The following SYNPR variants were observed in gnomAD, a reference collection of about 807,000 sequenced individuals.
The protein encoded by SYNPR is synaptoporin.
A neutral mutation model predicts 32.9 loss-of-function variants in SYNPR; 23 were observed. The ratio of observed to expected loss-of-function variants is 0.70; its 90% CI spans 0.50 to 0.99. The LOEUF (loss-of-function observed/expected upper bound fraction) is 0.99, where lower values mean the gene tolerates loss of function less well. Among genes scored for constraint, SYNPR ranks in the 50% least tolerant of loss-of-function variants. The pLI is 0.00. For synonymous variants in SYNPR, 146 were observed against 135.9 expected, an observed-to-expected ratio of 1.07 and a Z score of -0.52; for missense variants, 318 against 349.3, an observed-to-expected ratio of 0.91 and a Z score of 0.71.
intron 1 of SYNPR, among the ~76,000 whole-genome samples, chr3:63,229,213 T>C (rs2086150548): frequency 6.6e-6 from 1 of 152,150 alleles, no homozygotes; most frequent in African/African-American, 2.4e-5. Context: ...CATACTTAAT[T>C]TTTGGAAAGA....
In SYNPR at chr3:63,314,054, TATATATATATATCC is replaced by T. The variant is rs2087013841; in HGVS notation, c.84+35325_84+35338del. On this transcript the variant is annotated intron_variant, in intron 2 of 5. Coordinates refer to ENST00000478300, the MANE Select transcript of SYNPR (RefSeq NM_001130003.2). Reference sequence around the variant, plus strand: ...ATATATCCATATATATATATATCCATATATATATATATCCATATATATATATATCCATATATATA... The same window carrying T: ...ATATATCCATATATATATATATCCATATATATATATATATCCATATATATA... Among the ~76,000 whole-genome samples, 6 of 68,992 alleles carry T rather than the reference TATATATATATATCC, an allele frequency of 8.7e-5. 3 individuals carry two copies. The highest frequency in any genetic ancestry group is 3.6e-4 in the Admixed American group (2 of 5,620). 45.3% of individuals were successfully genotyped at this position (68,992 alleles called of 152,430 possible).
intron 2 of SYNPR, among the ~76,000 whole-genome samples, chr3:63,451,277 G>A (rs1177015190): frequency 1.3e-5 from 2 of 152,076 alleles, no homozygotes; most frequent in African/African-American, 2.4e-5. Context: ...CCATGCCCTC[G>A]ATGAGTGCTT....
chr3:63,480,152 G>T (rs537350430), intron 2 of SYNPR, among the ~76,000 whole-genome samples: 126 of 152,120 alleles, frequency 8.3e-4, no homozygotes, highest in Non-Finnish European at 1.4e-3. Flanking sequence ...TTGGTGCCTG[G>T]TTCCCCACAG....
chr3:63,546,965 A>G lies in SYNPR; in HGVS notation c.210-9578A>G, dbSNP rs114464765. On this transcript the variant is annotated intron_variant, in intron 3 of 5. Transcript: ENST00000478300. ...AGGAAAATGATTCTGGCTGCCTGGA[A>G]AATGCCATTTATCCGAAGATATGGA... 7.5e-3 allele frequency among the ~76,000 whole-genome samples: 1,149 copies of G among 152,228 alleles called. 20 individuals carry two copies. The highest frequency in any genetic ancestry group is 0.027 in the African/African-American group (1,106 of 41,544).
intron 2 of SYNPR, among the ~76,000 whole-genome samples, chr3:63,373,038 C>T (rs972562853): frequency 6.6e-6 from 1 of 151,986 alleles, no homozygotes; most frequent in Non-Finnish European, 1.5e-5. Context: ...CCTGCAAAAA[C>T]CCCCAGCCCT....
chr3:63,223,804 G>A (rs185563169), upstream of SYNPR, among the ~76,000 whole-genome samples: 4 of 151,968 alleles, frequency 2.6e-5, no homozygotes, highest in Admixed American at 2.0e-4. Flanking sequence ...ACTTTCTATT[G>A]TGGTGTTTTG....
At chr3:63,547,163 A>C (rs1702421917) in intron 3 of SYNPR, among the ~76,000 whole-genome samples, 1 of 152,158 alleles carries the variant, frequency 6.6e-6, no homozygotes, top group African/African-American at 2.4e-5. Flanking sequence ...AATTCTAGTA[A>C]TGACCCTTTT....
rs368136244 is a variant in SYNPR at position 63,589,619 on chromosome 3, G to C, written c.409-19506G>C. 1.6e-4 allele frequency among the ~76,000 whole-genome samples: 24 copies of C among 150,930 alleles called. No homozygotes were observed. In the East Asian group the frequency reaches 3.0e-3, roughly 19 times the overall value. On this transcript the variant is annotated intron_variant, in intron 4 of 5. Coordinates refer to ENST00000478300, the MANE Select transcript of SYNPR (RefSeq NM_001130003.2). Reference sequence around the variant, plus strand: ...AAGCTTATCCACCATGATCAAGTGGGCTTCATCCCTGGGATGCAAGGCTGG... The same window carrying C: ...AAGCTTATCCACCATGATCAAGTGGCCTTCATCCCTGGGATGCAAGGCTGG...
chr3:63,238,199 C>T (rs9878015), intron 1 of SYNPR, among the ~76,000 whole-genome samples: 2 of 152,004 alleles, frequency 1.3e-5, no homozygotes, highest in African/African-American at 4.8e-5. Flanking sequence ...TCAGCATTCA[C>T]CTTTGGTTGT....
At chr3:63,262,944 A>G (rs2086451915) in intron 2 of SYNPR, among the ~76,000 whole-genome samples, 1 of 152,184 alleles carries the variant, frequency 6.6e-6, no homozygotes, top group Admixed American at 6.5e-5. Context: ...TTGCATACTA[A>G]TAAAATTGGA....
chr3:63,204,312 T>C, the SYNPR span, among the ~76,000 whole-genome samples: 1 of 152,190 alleles, frequency 6.6e-6, no homozygotes, highest in Non-Finnish European at 1.5e-5. Flanking sequence ...TCTTCCAGCA[T>C]CCCCAGGCAT....
At chr3:63,359,305 T>C (rs1425548513) in intron 2 of SYNPR, among the ~76,000 whole-genome samples, 3 of 152,112 alleles carry the variant, frequency 2.0e-5, no homozygotes, top group Non-Finnish European at 2.9e-5. Context: ...ATGAGAGAAT[T>C]TGAATGTGAA....
At chr3:63,279,796 C>A (rs1201055566) in intron 2 of SYNPR, among the ~76,000 whole-genome samples, 3 of 152,172 alleles carry the variant, frequency 2.0e-5, no homozygotes, top group Non-Finnish European at 2.9e-5. Flanking sequence ...ATTGTTTACA[C>A]GGATGATCTA....
intron 2 of SYNPR, among the ~76,000 whole-genome samples, chr3:63,408,210 A>AAG (rs1560220924): frequency 3.2e-4 from 25 of 77,802 alleles, no homozygotes; most frequent in Non-Finnish European, 4.6e-4. Context: ...GGAAGGAAGG[A>AAG]AGGAAGGAAG....
At chr3:63,440,313 C>T (rs915059832) in intron 2 of SYNPR, among the ~76,000 whole-genome samples, 2 of 152,100 alleles carry the variant, frequency 1.3e-5, no homozygotes, top group Non-Finnish European at 2.9e-5. Context: ...TTAAATAAAA[C>T]AAAAAGATAG....
At chr3:63,514,387 T>C (rs1372172373) in intron 3 of SYNPR, among the ~76,000 whole-genome samples, 2 of 152,206 alleles carry the variant, frequency 1.3e-5, no homozygotes, top group Non-Finnish European at 1.5e-5. Context: ...TGGAACATCA[T>C]GGAAAATGGA....
rs1338736782 is a variant in SYNPR at position 63,278,323 on chromosome 3, G to T, written c.-211G>T. The stretch of plus-strand genomic sequence containing the variant: ...TTCCCTGCCCACCCCTCGCTGACTC[G>T]CTTCGCTTCCCCGACGCGCTGGGTT... On this transcript the variant is annotated 5_prime_UTR_variant, in exon 1 of 6. Transcript: ENST00000478300. 4 of 601,186 alleles carry T rather than the reference G, an allele frequency of 6.7e-6. No individual in the cohort carries two copies. The highest frequency in any genetic ancestry group is 2.9e-5 in the East Asian group (1 of 34,484). The allele number at this position is 601,186 out of a possible 1,614,324, so 37.2% of individuals were successfully genotyped here. A position where few individuals can be genotyped will look rare whatever the true frequency, so the allele number is the denominator to read the frequency against.
At chr3:63,240,655 T>C (rs554456050) in intron 1 of SYNPR, among the ~76,000 whole-genome samples, 3 of 152,140 alleles carry the variant, frequency 2.0e-5, no homozygotes, top group Non-Finnish European at 4.4e-5. Context: ...ACATGCACTG[T>C]GAATGAAGGG....
At chr3:63,506,782 A>G (rs551731606) in intron 3 of SYNPR, among the ~76,000 whole-genome samples, 1 of 152,292 alleles carries the variant, frequency 6.6e-6, no homozygotes, top group East Asian at 1.9e-4. Flanking sequence ...TATAATCTTA[A>G]AAGGATCATT....
Sources: allele counts gnomAD v4.1 joint callset (sites outside exome capture counted in the v4.1 genomes callset), GRCh38; gene constraint gnomAD v4.1.1; transcripts MANE v1.5; gene names NCBI Gene and HGNC (gene_info 2026-07-23, HGNC 2026-07-21).